Variants in IL1RAPL1 observed in about 807,000 individuals in gnomAD.
IL1RAPL1 encodes the protein interleukin-1 receptor accessory protein-like 1.
A neutral mutation model predicts 48.4 loss-of-function variants in IL1RAPL1; 3 were observed. The ratio of observed to expected loss-of-function variants is 0.06; its 90% CI spans 0.03 to 0.16. The LOEUF (loss-of-function observed/expected upper bound fraction) is 0.16, where lower values mean the gene tolerates loss of function less well. Ranked by LOEUF, IL1RAPL1 falls within the 10% of genes least tolerant of loss-of-function variation. The pLI, the probability that IL1RAPL1 is intolerant of heterozygous loss-of-function variation, is 1.00. For synonymous variants in IL1RAPL1, 185 were observed against 187.7 expected, an observed-to-expected ratio of 0.99 and a Z score of 0.12; for missense variants, 349 against 530.6, an observed-to-expected ratio of 0.66 and a Z score of 3.36.
At chrX:29,827,254 C>T (rs1930757846) in intron 6 of IL1RAPL1, among the ~76,000 whole-genome samples, 1 of 112,289 alleles carries the variant, frequency 8.9e-6, no homozygotes, top group South Asian at 3.7e-4. Flanking sequence ...ATAGAATATG[C>T]TGTGTATAAT....
At chrX:29,393,315 G>A (rs1360244699) in intron 3 of IL1RAPL1, among the ~76,000 whole-genome samples, 3 of 111,894 alleles carry the variant, frequency 2.7e-5, no homozygotes, top group African/African-American at 9.7e-5. Flanking sequence ...TGGAGACGGG[G>A]TTTCCCCATG....
chrX:29,748,614 G>A (rs1928389418), intron 6 of IL1RAPL1, among the ~76,000 whole-genome samples: 1 of 112,989 alleles, frequency 8.9e-6, no homozygotes, highest in Non-Finnish European at 1.9e-5. Flanking sequence ...GTTGGCAGTG[G>A]AGCTAACATT....
At chrX:29,713,649 C>G (rs1331815738) in intron 6 of IL1RAPL1, among the ~76,000 whole-genome samples, 4 of 111,271 alleles carry the variant, frequency 3.6e-5, no homozygotes, top group Admixed American at 2.9e-4. Flanking sequence ...GTGATTCATA[C>G]TAAATTTGAA....
intron 1 of IL1RAPL1, among the ~76,000 whole-genome samples, chrX:28,711,302 T>C (rs1935437021): frequency 8.9e-6 from 1 of 111,778 alleles, no homozygotes; most frequent in Non-Finnish European, 1.9e-5. Flanking sequence ...ATCAAGGCTT[T>C]TGGCATAAGT....
intron 2 of IL1RAPL1, among the ~76,000 whole-genome samples, chrX:28,961,414 GGT>G (rs1183314680): frequency 5.4e-5 from 6 of 111,000 alleles, no homozygotes; most frequent in Admixed American, 2.9e-4. Context: ...CACGTGCCAT[GGT>G]GGTTTGCTGC....
At chrX:28,831,022 CTCTCTGTGTGTGTGTGTGTGTGTG>C (rs1462825463) in intron 2 of IL1RAPL1, among the ~76,000 whole-genome samples, 5 of 64,995 alleles carry the variant, frequency 7.7e-5, no homozygotes, top group South Asian at 2.2e-3. Context: ...CTCTCTCTCT[CTCTCTGTGTGTGTGTGTGTGTGTG>C]TGTGTGTGTG....
chrX:29,848,450 A>AC (rs61484896), intron 6 of IL1RAPL1, among the ~76,000 whole-genome samples: 1 of 110,741 alleles, frequency 9.0e-6, no homozygotes, highest in East Asian at 2.8e-4. Flanking sequence ...AAAAAAAAAA[A>AC]CATCCTATTA....
intron 1 of IL1RAPL1, among the ~76,000 whole-genome samples, chrX:28,677,709 T>A (rs1229275072): frequency 1.8e-5 from 2 of 110,932 alleles, no homozygotes; most frequent in African/African-American, 6.6e-5. Context: ...TGCCTCAGCC[T>A]CCTGAATAGC....
chrX:29,302,538 C>G (rs1031930180), intron 3 of IL1RAPL1, among the ~76,000 whole-genome samples: 1 of 111,920 alleles, frequency 8.9e-6, no homozygotes, highest in East Asian at 2.8e-4. Context: ...ATATATTCTT[C>G]TAATTGTCCA....
chrX:29,359,151 C>A (rs1267753780), intron 3 of IL1RAPL1, among the ~76,000 whole-genome samples: 1 of 111,582 alleles, frequency 9.0e-6, no homozygotes, highest in Non-Finnish European at 1.9e-5. Context: ...AAAATATGTT[C>A]ATTCAGATTT....
At chrX:28,672,510 T>A (rs1462831016) in intron 1 of IL1RAPL1, among the ~76,000 whole-genome samples, 10 of 111,712 alleles carry the variant, frequency 9.0e-5, no homozygotes, top group Non-Finnish European at 1.9e-4. Context: ...CTACCACTGC[T>A]GCTCATCCTT....
intron 5 of IL1RAPL1, among the ~76,000 whole-genome samples, chrX:29,626,620 A>G (rs753228008): frequency 4.6e-5 from 5 of 109,224 alleles, no homozygotes; most frequent in Non-Finnish European, 9.5e-5. Context: ...TTGTTTTTAA[A>G]AATAGAAATA....
At chrX:29,213,487 G>A (rs1375511806) in intron 2 of IL1RAPL1, among the ~76,000 whole-genome samples, 1 of 112,657 alleles carries the variant, frequency 8.9e-6, no homozygotes, top group African/African-American at 3.2e-5. Context: ...TAATTGCTCT[G>A]TGCCCACTCT....
chrX:29,426,549 A>G (rs1165039379), intron 5 of IL1RAPL1, among the ~76,000 whole-genome samples: 2 of 111,564 alleles, frequency 1.8e-5, no homozygotes, highest in Non-Finnish European at 1.9e-5. Context: ...GCTACCTAAT[A>G]CGTGTAATGT....
intron 5 of IL1RAPL1, among the ~76,000 whole-genome samples, chrX:29,535,216 C>CTTAA (rs1453110021): frequency 3.7e-5 from 4 of 107,732 alleles, no homozygotes; most frequent in Non-Finnish European, 7.7e-5. Context: ...ATTATCTTTA[C>CTTAA]CAGTTGTCAG....
intron 1 of IL1RAPL1, among the ~76,000 whole-genome samples, chrX:28,690,814 C>A (rs1935169037): frequency 9.0e-6 from 1 of 110,838 alleles, no homozygotes; most frequent in Non-Finnish European, 1.9e-5. Context: ...TAATCATAAT[C>A]ATAACCATAA....
In IL1RAPL1 at chrX:29,689,634, G is replaced by C. The variant is rs182599247; in HGVS notation, c.778+21130G>C. On this transcript the variant is annotated intron_variant, in intron 6 of 10. Transcript: ENST00000378993. ...TAGGATTTAAGCAGACATTGATGAAGTATTAATAGAAAGACATTGCTGAAA... is the reference window on the plus strand; with the variant it reads ...TAGGATTTAAGCAGACATTGATGAACTATTAATAGAAAGACATTGCTGAAA... Among the ~76,000 whole-genome samples the C allele has an allele frequency of 3.3e-3, 372 of 111,845 alleles. 1 individual carries two copies. The highest frequency in any genetic ancestry group is 5.5e-3 in the Non-Finnish European group (292 of 53,115).
At chrX:29,687,203 ATGTTTATTGCAGCGCTATCCACAATAG>A (rs1355359740) in intron 6 of IL1RAPL1, among the ~76,000 whole-genome samples, 5 of 111,919 alleles carry the variant, frequency 4.5e-5, no homozygotes, top group Admixed American at 9.5e-5. Flanking sequence ...CTGCACCCCC[ATGTTTATTGCAGCGCTATCCACAATAG>A]CCTGGATATG....
intron 5 of IL1RAPL1, among the ~76,000 whole-genome samples, chrX:29,497,861 T>C (rs749250535): frequency 1.8e-5 from 2 of 112,101 alleles, no homozygotes; most frequent in South Asian, 7.4e-4. Flanking sequence ...TTAATAATTG[T>C]CAGAATAAAG....
Sources: allele counts gnomAD v4.1 joint callset (sites outside exome capture counted in the v4.1 genomes callset), GRCh38; gene constraint gnomAD v4.1.1; transcripts MANE v1.5; gene names NCBI Gene and HGNC (gene_info 2026-07-23, HGNC 2026-07-21).